The following RBFOX1 variants were observed in gnomAD, a reference collection of about 807,000 sequenced individuals.
RBFOX1 encodes RNA binding fox-1 homolog 1.
Under a neutral mutation model 57.7 loss-of-function variants are expected in RBFOX1, and 8 were observed. The ratio of observed to expected loss-of-function variants is 0.14; its 90% confidence interval spans 0.08 to 0.25. The LOEUF (loss-of-function observed/expected upper bound fraction) is 0.25, where lower values mean the gene tolerates loss of function less well. RBFOX1 is among the 10% of genes least tolerant of loss of function. The pLI, the probability that RBFOX1 is intolerant of heterozygous loss-of-function variation, is 1.00. For synonymous variants in RBFOX1, 326 were observed against 222.4 expected (o/e 1.47, Z -4.15); for missense variants, 611 against 548.5 (o/e 1.11, Z -1.14).
chr16:5,318,144 T>G (rs2064293806), intron 1 of RBFOX1, among the ~76,000 whole-genome samples: 1 of 152,082 alleles, frequency 6.6e-6, no homozygotes, highest in Non-Finnish European at 1.5e-5. Context: ...TATTATTATT[T>G]TTAAGACAGT....
chr16:6,542,778 C>G (rs967507628), intron 2 of RBFOX1, among the ~76,000 whole-genome samples: 1 of 152,016 alleles, frequency 6.6e-6, no homozygotes, highest in Non-Finnish European at 1.5e-5. Context: ...AGGTGTGAAC[C>G]ACTGCGCCCG....
At chr16:5,291,082 A>T (rs900131032) in intron 1 of RBFOX1, among the ~76,000 whole-genome samples, 1 of 152,156 alleles carries the variant, frequency 6.6e-6, no homozygotes, top group Non-Finnish European at 1.5e-5. Flanking sequence ...CTGGAGAAAG[A>T]GAGGGGCTAG....
At chr16:7,558,021 T>C (rs2089235880) in intron 5 of RBFOX1, among the ~76,000 whole-genome samples, 1 of 152,144 alleles carries the variant, frequency 6.6e-6, no homozygotes. Context: ...GGTAAAATAA[T>C]TTAATATTCA....
chr16:6,056,811 G>T (rs1439883669), intron 1 of RBFOX1, among the ~76,000 whole-genome samples: 1 of 150,404 alleles, frequency 6.6e-6, no homozygotes, highest in Non-Finnish European at 1.5e-5. Context: ...TTGAGACACT[G>T]GTTGACTGGA....
intron 3 of RBFOX1, among the ~76,000 whole-genome samples, chr16:5,724,305 G>T (rs1395999928): frequency 6.6e-6 from 1 of 152,138 alleles, no homozygotes; most frequent in Non-Finnish European, 1.5e-5. Context: ...CACCCTAAAG[G>T]CACGGTGGGA....
At chr16:5,272,868 C>G (rs2063049134) in intron 1 of RBFOX1, among the ~76,000 whole-genome samples, 1 of 152,356 alleles carries the variant, frequency 6.6e-6, no homozygotes, top group Middle Eastern at 3.4e-3. Context: ...TGTAGTTGAG[C>G]TGACTGCAAG....
At chr16:7,177,173 A>T (rs1431184012) in intron 4 of RBFOX1, among the ~76,000 whole-genome samples, 1 of 152,224 alleles carries the variant, frequency 6.6e-6, no homozygotes, top group Non-Finnish European at 1.5e-5. Flanking sequence ...GTCCAGGAGT[A>T]GTTTTCCCCA....
chr16:5,999,456 T>A (rs2060548676), intron 4 of RBFOX1, among the ~76,000 whole-genome samples: 1 of 152,238 alleles, frequency 6.6e-6, no homozygotes, highest in South Asian at 2.1e-4. Flanking sequence ...TCATTTTTTT[T>A]AACCTCAAAT....
intron 4 of RBFOX1, among the ~76,000 whole-genome samples, chr16:7,299,604 T>C (rs1263662732): frequency 2.0e-5 from 3 of 152,212 alleles, no homozygotes; most frequent in Non-Finnish European, 2.9e-5. Context: ...GCCAAAATCC[T>C]GGACCCTCTG....
Position 6,761,391 on chromosome 16 carries a change from T to C in RBFOX1, c.-16+106741T>C, listed in dbSNP as rs976630329. Among the ~76,000 whole-genome samples, 2 of 152,256 alleles carry C rather than the reference T, an allele frequency of 1.3e-5. 1 individual carries two copies. The highest frequency in any genetic ancestry group is 4.2e-4 in the South Asian group (2 of 4,804). On this transcript the variant is annotated intron_variant, in intron 3 of 15. Coordinates refer to ENST00000550418, the MANE Select transcript of RBFOX1 (RefSeq NM_018723.4). ...ATACATTTAGTCTTTGCATCTCTTATGTTGTTAGTTTTCAGTTTTTAAGCA... is the reference window on the plus strand; with the variant it reads ...ATACATTTAGTCTTTGCATCTCTTACGTTGTTAGTTTTCAGTTTTTAAGCA...
intron 1 of RBFOX1, among the ~76,000 whole-genome samples, chr16:6,294,422 G>A (rs1356019085): frequency 6.6e-6 from 1 of 152,198 alleles, no homozygotes; most frequent in Non-Finnish European, 1.5e-5. Flanking sequence ...ATTGTTTTAA[G>A]CAGTGAGTGG....
intron 3 of RBFOX1, among the ~76,000 whole-genome samples, chr16:6,701,639 C>T (rs965673421): frequency 2.8e-4 from 42 of 152,108 alleles, no homozygotes; most frequent in African/African-American, 7.5e-4. Context: ...CACATAAAGG[C>T]GTACGTACAC....
At chr16:7,656,743 C>A (rs1283974129) in intron 12 of RBFOX1, among the ~76,000 whole-genome samples, 2 of 152,088 alleles carry the variant, frequency 1.3e-5, no homozygotes, top group African/African-American at 4.8e-5. Flanking sequence ...AGAGGTATTT[C>A]TTCTGGTTGG....
At chr16:7,021,526 T>A (rs2039078625) in intron 3 of RBFOX1, among the ~76,000 whole-genome samples, 2 of 145,850 alleles carry the variant, frequency 1.4e-5, no homozygotes, top group African/African-American at 4.9e-5. Flanking sequence ...TTATAAAATT[T>A]ATAAAATTTT....
At chr16:6,142,369 C>A (rs1013073688) in intron 1 of RBFOX1, among the ~76,000 whole-genome samples, 1 of 151,568 alleles carries the variant, frequency 6.6e-6, no homozygotes, top group Non-Finnish European at 1.5e-5. Flanking sequence ...CTACAGGCGC[C>A]CGCCTCCGCA....
chr16:7,288,695 G>A (rs1376402486), intron 4 of RBFOX1, among the ~76,000 whole-genome samples: 1 of 152,118 alleles, frequency 6.6e-6, no homozygotes, highest in Non-Finnish European at 1.5e-5. Context: ...ACTAAAATTA[G>A]CCAGGCATGA....
At chr16:6,902,276 A>G (rs1042182586) in intron 3 of RBFOX1, among the ~76,000 whole-genome samples, 14 of 152,120 alleles carry the variant, frequency 9.2e-5, no homozygotes, top group African/African-American at 3.1e-4. Flanking sequence ...TTTTGTTTCC[A>G]CTGTGTTCCT....
chr16:7,578,930 A>T (rs563181213), intron 5 of RBFOX1, among the ~76,000 whole-genome samples: 39 of 152,282 alleles, frequency 2.6e-4, no homozygotes, highest in African/African-American at 9.1e-4. Flanking sequence ...ATACAGCCTT[A>T]TTTGGAAGAC....
chr16:6,411,050 T>C (rs2093443584), intron 2 of RBFOX1, among the ~76,000 whole-genome samples: 1 of 152,180 alleles, frequency 6.6e-6, no homozygotes, highest in Non-Finnish European at 1.5e-5. Flanking sequence ...CTCCCGCTGC[T>C]CACAGGAGAA....
Sources: gnomAD v4.1 joint callset for allele counts (sites outside exome capture counted in the v4.1 genomes callset) on GRCh38, gnomAD v4.1.1 for gene constraint, MANE v1.5 for transcripts, NCBI Gene and HGNC (gene_info 2026-07-23, HGNC 2026-07-21) for gene names.